NR1H3: variants seen among roughly 807,000 people sequenced by gnomAD.
The protein encoded by NR1H3 is nuclear receptor subfamily 1 group H member 3.
A neutral mutation model predicts 48.1 loss-of-function variants in NR1H3; 19 were observed. The ratio of observed to expected loss-of-function variants is 0.40; its 90% CI spans 0.28 to 0.58. The LOEUF (loss-of-function observed/expected upper bound fraction) is 0.58. Among genes scored for constraint, NR1H3 ranks in the 20% least tolerant of loss-of-function variants. The probability of loss-of-function intolerance (pLI) is 0.50; values close to 1 mark genes in which losing one functional copy is unlikely to be tolerated. For synonymous variants in NR1H3, 232 were observed against 227.3 expected (o/e 1.02, Z -0.19); for missense variants, 486 against 595.9 (o/e 0.82, Z 1.92).
intron 1 of NR1H3, among the ~76,000 whole-genome samples, chr11:47,250,243 C>CA (rs59908609): frequency 0.11 from 16,629 of 151,632 alleles, 1,058 homozygotes; most frequent in South Asian, 0.23. Context: ...CTCCTCTCTA[C>CA]AAAAAAAAGT....
chr11:47,257,889 G>C, upstream of NR1H3: 1 of 985,230 alleles, frequency 1.0e-6, no homozygotes, highest in East Asian at 1.1e-4. Context: ...GGGCGGGGGT[G>C]AGGAGGGGAG....
chr11:47,259,039 C>A, intron 1 of NR1H3, 141 bp from the exon 2 acceptor site: 1 of 1,424,458 alleles, frequency 7.0e-7, no homozygotes, highest in Non-Finnish European at 9.4e-7. Flanking sequence ...TATAATAAAG[C>A]CTTAGTACAG....
upstream of NR1H3, chr11:47,248,477 A>T: frequency 6.5e-7 from 1 of 1,548,942 alleles, no homozygotes; most frequent in Middle Eastern, 1.7e-4. Flanking sequence ...GTCTCAAGGC[A>T]GACTCACCCC....
At chr11:47,267,104 C>G (rs367766696) in intron 7 of NR1H3, among the ~76,000 whole-genome samples, 1 of 151,782 alleles carries the variant, frequency 6.6e-6, no homozygotes, top group Non-Finnish European at 1.5e-5. Context: ...TCCAGGAGTT[C>G]GAGACCAGCC....
intron 7 of NR1H3, among the ~76,000 whole-genome samples, chr11:47,263,864 A>G (rs1956186649): frequency 2.0e-5 from 3 of 151,758 alleles, no homozygotes; most frequent in Admixed American, 1.3e-4. Flanking sequence ...TGGCCTCCCA[A>G]AGTCCTGGGA....
intron 7 of NR1H3, among the ~76,000 whole-genome samples, chr11:47,264,544 T>C (rs1421521311): frequency 6.6e-6 from 1 of 152,226 alleles, no homozygotes; most frequent in Non-Finnish European, 1.5e-5. Flanking sequence ...AAACCACTTT[T>C]TCCTCGATGG....
rs1955387505 is a variant in NR1H3 at position 47,258,117 on chromosome 11, G to T, written c.-50G>T. On this transcript the variant is annotated 5_prime_UTR_variant, in exon 1 of 10. Coordinates refer to ENST00000441012, the MANE Select transcript of NR1H3 (RefSeq NM_005693.4). ...GACTGCCCACCCAGGAAGTCTGGTG[G>T]CCTGGGGATTTGGTGGGTCTGCTCC... is the stretch of plus-strand genomic sequence containing the variant. The T allele has an allele frequency of 2.0e-6, 2 of 985,476 alleles. No homozygotes were observed. The highest frequency in any genetic ancestry group is 2.4e-6 in the Non-Finnish European group (2 of 830,160). 61.0% of individuals were successfully genotyped at this position (985,476 alleles called of 1,614,324 possible).
intron 7 of NR1H3, among the ~76,000 whole-genome samples, chr11:47,265,836 C>T (rs1216184428): frequency 6.6e-6 from 1 of 152,166 alleles, no homozygotes; most frequent in African/African-American, 2.4e-5. Flanking sequence ...CATGCAACTG[C>T]ACTCTAGTCT....
In NR1H3 at chr11:47,267,910, C is replaced by A; in HGVS notation, c.989-3C>A. On this transcript the variant is annotated splice_polypyrimidine_tract_variant and splice_region_variant and intron_variant, in intron 7 of 9. Coordinates refer to ENST00000441012, the MANE Select transcript of NR1H3 (RefSeq NM_005693.4). ...TGCGTCAGCCTCCCTTCTTCCTCCC[C>A]AGGGCTGCAAGTGGAATTCATCAAC... is the stretch of plus-strand genomic sequence containing the variant. 1 of 1,610,044 alleles carries A rather than the reference C, an allele frequency of 6.2e-7. No homozygotes were observed. The highest frequency in any genetic ancestry group is 8.5e-7 in the Non-Finnish European group (1 of 1,176,364).
chr11:47,259,436 C>T, intron 2 of NR1H3, 177 bp downstream of exon 2: 3 of 1,556,284 alleles, frequency 1.9e-6, no homozygotes, highest in Non-Finnish European at 2.6e-6. Context: ...AGTGCCTGGC[C>T]CTTGCAGGCA....
chr11:47,268,865 G>A lies in NR1H3; in HGVS notation c.*169G>A. On this transcript the variant is annotated 3_prime_UTR_variant, in exon 10 of 10. Transcript: ENST00000441012. ...AAGGGTTGCGAGTTTTGTGGCTACT[G>A]AGCAGTGGAGCCCTCGCTAACACTG... The A allele has an allele frequency of 1.3e-6, 1 of 748,862 alleles. No homozygotes were observed. The highest frequency in any genetic ancestry group is 1.8e-5 in the South Asian group (1 of 54,536). 46.4% of individuals were successfully genotyped at this position (748,862 alleles called of 1,614,324 possible). A position where few individuals can be genotyped will look rare whatever the true frequency, so the allele number is the denominator to read the frequency against.
intron 7 of NR1H3, among the ~76,000 whole-genome samples, chr11:47,265,502 T>C (rs766068739): frequency 6.6e-5 from 10 of 152,162 alleles, no homozygotes; most frequent in Non-Finnish European, 1.0e-4. Flanking sequence ...TGAGAGACAT[T>C]CTCTAGGTAT....
chr11:47,252,584 T>C (rs575059609), intron 1 of NR1H3, among the ~76,000 whole-genome samples: 3 of 150,682 alleles, frequency 2.0e-5, no homozygotes, highest in African/African-American at 7.3e-5. Context: ...TTGTTTTGTT[T>C]TGTTTTTGTG....
rs779077157 is a variant in NR1H3 at position 47,268,573 on chromosome 11, G to A, written c.1221G>A (p.Met407Ile). The change falls in exon 10 of 10, where the codon ATG becomes ATA. Residue 407 changes from methionine (M) to isoleucine (I), a missense_variant. Physicochemically the swap from Met to Ile is conservative, Grantham distance 10. Coordinates refer to ENST00000441012, the MANE Select transcript of NR1H3 (RefSeq NM_005693.4). ...AGGACCGACTGATGTTCCCACGGAT[G>A]CTAATGAAACTGGTGAGCCTCCGGA... ...HPHDRLMFPR[M>I]LMKLVSLRTL... 7.4e-6 allele frequency: 12 copies of A among 1,614,216 alleles called. No individual in the cohort carries two copies. The East Asian group carries it at 2.5e-4, about 33-fold the overall frequency.
intron 7 of NR1H3, 21 bp downstream of exon 7, chr11:47,262,039 G>C (rs762687906): frequency 1.3e-6 from 2 of 1,560,452 alleles, no homozygotes; most frequent in African/African-American, 2.7e-5. Flanking sequence ...AGATCACACA[G>C]GGATTGGGGT....
chr11:47,263,537 A>C (rs976428427), intron 7 of NR1H3, among the ~76,000 whole-genome samples: 2 of 150,376 alleles, frequency 1.3e-5, no homozygotes, highest in African/African-American at 2.5e-5. Flanking sequence ...CGGCCTCCCA[A>C]TGTGCTGGGA....
intron 1 of NR1H3, among the ~76,000 whole-genome samples, chr11:47,252,674 C>T (rs909848326): frequency 3.4e-5 from 5 of 147,578 alleles, no homozygotes; most frequent in Admixed American, 6.8e-5. Flanking sequence ...CCCAGGTTCA[C>T]GCCATTCTCC....
intron 3 of NR1H3, 128 bp from the exon 4 acceptor site, chr11:47,260,281 A>G: frequency 1.5e-6 from 2 of 1,319,238 alleles, no homozygotes; most frequent in South Asian, 1.4e-5. Flanking sequence ...CTCTTCTCAT[A>G]AAAGAGAGAC....
intron 1 of NR1H3, 125 bp from the exon 2 acceptor site, chr11:47,259,055 T>C (rs1471447378): frequency 1.3e-6 from 2 of 1,515,452 alleles, no homozygotes; most frequent in Non-Finnish European, 8.9e-7. Flanking sequence ...TACAGGCTAA[T>C]ATATGGCAAG....
Sources: gnomAD v4.1 joint callset for allele counts (sites outside exome capture counted in the v4.1 genomes callset) on GRCh38, gnomAD v4.1.1 for gene constraint, MANE v1.5 for transcripts, NCBI Gene and HGNC (gene_info 2026-07-23, HGNC 2026-07-21) for gene names.